The following FNBP4 variants were observed in gnomAD, a reference collection of about 807,000 sequenced individuals.
The protein encoded by FNBP4 is formin binding protein 4, also known as formin-binding protein 4.
Under a neutral mutation model 119.3 loss-of-function variants are expected in FNBP4, and 34 were observed. The observed-to-expected ratio is 0.28, with a 90% confidence interval of 0.22 to 0.38. FNBP4 has a LOEUF of 0.38. FNBP4 is among the 10% of genes least tolerant of loss of function. The pLI is 1.00. For synonymous variants in FNBP4, 462 were observed against 430.6 expected, an observed-to-expected ratio of 1.07 and a Z score of -0.90; for missense variants, 1,112 against 1,228.9, an observed-to-expected ratio of 0.90 and a Z score of 1.42.
chr11:47,737,134 T>C (rs776656907), intron 8 of FNBP4, among the ~76,000 whole-genome samples: 5 of 152,138 alleles, frequency 3.3e-5, no homozygotes, highest in Non-Finnish European at 7.4e-5. Context: ...GAGGTTGCAG[T>C]GAGCCGAGAT....
At position 47,731,198 on chromosome 11, in the gene FNBP4, A is replaced by C. The variant is rs2097566976; in HGVS notation, c.2008+176T>G. ...GGGGCACAGTTTTACACGTGATAAC[A>C]ATAGTATGCTGATTTCCAACCATAA... On this transcript the variant is annotated intron_variant, in intron 12 of 16. Transcript: ENST00000263773. The C allele has an allele frequency of 1.6e-5, 9 of 555,148 alleles. No homozygotes were observed. In the South Asian group the frequency reaches 3.0e-4, roughly 19 times the overall value. The allele number at this position is 555,148 out of a possible 1,614,324, so 34.4% of individuals were successfully genotyped here. A position where few individuals can be genotyped will look rare whatever the true frequency, so the allele number is the denominator to read the frequency against.
At chr11:47,761,661 T>A (rs2097634874) in intron 2 of FNBP4, among the ~76,000 whole-genome samples, 1 of 151,868 alleles carries the variant, frequency 6.6e-6, no homozygotes, top group South Asian at 2.1e-4. Context: ...CTCACATCTA[T>A]AATCCTAGCA....
chr11:47,733,791 A>G (rs757825237), intron 10 of FNBP4, among the ~76,000 whole-genome samples: 26 of 152,152 alleles, frequency 1.7e-4, no homozygotes, highest in Non-Finnish European at 3.1e-4. Context: ...TACCTTCAAC[A>G]TTACATGGCC....
At chr11:47,720,138 A>T in intron 15 of FNBP4, 52 bp from the exon 16 acceptor site, 3 of 1,539,774 alleles carry the variant, frequency 1.9e-6, no homozygotes, top group Non-Finnish European at 2.6e-6. Flanking sequence ...AATAAGGATA[A>T]GCGTCCTCTA....
chr11:47,748,526 T>C (rs921364693), intron 6 of FNBP4, among the ~76,000 whole-genome samples: 1 of 151,934 alleles, frequency 6.6e-6, no homozygotes, highest in Non-Finnish European at 1.5e-5. Context: ...AGGTGTGTGC[T>C]ACCTTGCCTG....
chr11:47,719,844 T>C lies in FNBP4; in HGVS notation c.2963+85A>G, dbSNP rs571856330. The C allele has an allele frequency of 1.1e-4, 152 of 1,418,202 alleles. No individual in the cohort carries two copies. In the East Asian group the frequency reaches 3.0e-3, roughly 28 times the overall value. The allele number at this position is 1,418,202 out of a possible 1,614,324, so 87.9% of individuals were successfully genotyped here. ...AAGAATATGTCTATTCTAATGCATCTATAACAACCACAACCTACTCCATCT... is the reference window on the plus strand; with the variant it reads ...AAGAATATGTCTATTCTAATGCATCCATAACAACCACAACCTACTCCATCT... On this transcript the variant is annotated intron_variant, in intron 16 of 16. Coordinates refer to ENST00000263773, the MANE Select transcript of FNBP4 (RefSeq NM_015308.5).
At chr11:47,731,200 T>C in intron 12 of FNBP4, 174 bp downstream of exon 12, 1 of 565,294 alleles carries the variant, frequency 1.8e-6, no homozygotes, top group East Asian at 3.2e-5. Context: ...GTGATAACAA[T>C]AGTATGCTGA....
rs752724144 is a variant in FNBP4 at position 47,744,157 on chromosome 11, A to C, written c.1252T>G (p.Leu418Val). ...CCATCTCCTTCCTCCAAGGCTCGCA[A>C]CTCTGCCTACAAAGAACATGACAAT... The part of the protein sequence containing the change: ...ELVLERKKAE[L>V]RALEEGDGSV... The change falls in exon 8 of 17, where the codon TTG (leucine) becomes GTG (valine). Residue 418 changes from leucine to valine, a missense_variant. Coordinates refer to ENST00000263773, the MANE Select transcript of FNBP4 (RefSeq NM_015308.5). 3.7e-6 allele frequency: 6 copies of C among 1,613,862 alleles called. No individual in the cohort carries two copies. The highest frequency in any genetic ancestry group is 5.1e-6 in the Non-Finnish European group (6 of 1,179,844).
At chr11:47,743,598 A>G (rs2097585336) in intron 8 of FNBP4, among the ~76,000 whole-genome samples, 1 of 152,200 alleles carries the variant, frequency 6.6e-6, no homozygotes, top group South Asian at 2.1e-4. Context: ...CGACCTTACC[A>G]TGAATGAATG....
chr11:47,724,459 A>G lies in FNBP4; in HGVS notation c.2319+9T>C. ...AAAATCACTCAGAATGCCAAAGGGAATTACTTACCTGGCTAGTTACAACTG... is the reference window on the plus strand; with the variant it reads ...AAAATCACTCAGAATGCCAAAGGGAGTTACTTACCTGGCTAGTTACAACTG... On this transcript the variant is annotated intron_variant, in intron 13 of 16. Transcript: ENST00000263773. The G allele has an allele frequency of 6.2e-7, 1 of 1,614,196 alleles. No individual in the cohort carries two copies. Among genetic ancestry groups the G allele is most frequent in the Non-Finnish European group, 8.5e-7 (1 of 1,180,010 alleles).
intron 8 of FNBP4, 150 bp downstream of exon 8, chr11:47,743,801 TAG>T (rs1177264476): frequency 5.2e-5 from 35 of 679,396 alleles, no homozygotes; most frequent in Non-Finnish European, 8.1e-5. Flanking sequence ...CTGGAAAAGG[TAG>T]AGAGGTGGAT....
rs374619575 is a variant in FNBP4, at chr11:47,766,003, A to G, written c.221-641T>C. Among the ~76,000 whole-genome samples, 58 of 151,978 alleles carry G rather than the reference A, an allele frequency of 3.8e-4. No individual in the cohort carries two copies. The South Asian group carries it at 0.011, about 30-fold the overall frequency. On this transcript the variant is annotated intron_variant, in intron 1 of 16. Coordinates refer to ENST00000263773, the MANE Select transcript of FNBP4 (RefSeq NM_015308.5). The stretch of plus-strand genomic sequence containing the variant: ...GCCCTGGAGTCTTTCATCTGCTTAC[A>G]AACTTCAACATCAAGGGAAGACTCT...
chr11:47,729,888 G>A (rs2097565478), intron 12 of FNBP4: 1 of 985,334 alleles, frequency 1.0e-6, no homozygotes, highest in Non-Finnish European at 1.2e-6. Flanking sequence ...CAATTCTAGG[G>A]GTTCTCAATA....
At chr11:47,742,477 C>CA (rs568784009) in intron 8 of FNBP4, among the ~76,000 whole-genome samples, 3,936 of 23,654 alleles carry the variant, frequency 0.17, 1,426 homozygotes, top group Middle Eastern at 0.38. Context: ...GACTCCGTCT[C>CA]AAAAAAAAAA....
intron 2 of FNBP4, among the ~76,000 whole-genome samples, chr11:47,761,528 G>A (rs1004817347): frequency 6.6e-6 from 1 of 151,998 alleles, no homozygotes; most frequent in Non-Finnish European, 1.5e-5. Flanking sequence ...GGCGACGGAG[G>A]TTGCAGTGAG....
rs1436527775 is a variant in FNBP4, at chr11:47,767,157, C to T, written c.132G>A (p.Ala44=). 5.8e-6 allele frequency: 9 copies of T among 1,547,678 alleles called. No homozygotes were observed. The highest frequency in any genetic ancestry group is 7.8e-6 in the Non-Finnish European group (9 of 1,151,860). The change falls in exon 1 of 17, where the codon GCG becomes GCA. Residue 44 remains alanine, a synonymous_variant. Coordinates refer to ENST00000263773, the MANE Select transcript of FNBP4 (RefSeq NM_015308.5). ...EPDTEPDSTA[A]VPSQPAPSAA... is the part of the protein sequence containing the mutation. ...CCGACGGGGCGGGCTGGCTGGGGAC[C>T]GCCGCGGTTGAGTCCGGCTCAGTGT...
Position 47,751,130 on chromosome 11 carries a change from A to C in FNBP4, c.785+13T>G, listed in dbSNP as rs762133101. On this transcript the variant is annotated intron_variant, in intron 5 of 16. Transcript: ENST00000263773. Reference sequence around the variant, plus strand: ...TTCCTTCTAGGCAATTTCACTTTTAAATTTATTCTTACCTGGGCTGGTAAT... The same window carrying C: ...TTCCTTCTAGGCAATTTCACTTTTACATTTATTCTTACCTGGGCTGGTAAT... 18 of 1,613,918 alleles carry C rather than the reference A, an allele frequency of 1.1e-5. No homozygotes were observed. Among genetic ancestry groups the C allele is most frequent in the Middle Eastern group, 3.3e-4 (2 of 6,060 alleles).
At chr11:47,734,220 AAATATGGGTCTGCCT>A in intron 9 of FNBP4, 91 bp from the exon 10 acceptor site, 1 of 656,464 alleles carries the variant, frequency 1.5e-6, no homozygotes, top group Non-Finnish European at 2.4e-6. Context: ...TAGATATTAG[AAATATGGGTCTGCCT>A]ATAAACAGCC....
intron 12 of FNBP4, chr11:47,730,071 A>T: frequency 1.0e-6 from 1 of 985,446 alleles, no homozygotes; most frequent in Non-Finnish European, 1.2e-6. Flanking sequence ...TGTTCACAGA[A>T]CATTCAGAAT....
Sources: gnomAD v4.1 joint callset for allele counts (sites outside exome capture counted in the v4.1 genomes callset) on GRCh38, gnomAD v4.1.1 for gene constraint, MANE v1.5 for transcripts, NCBI Gene and HGNC (gene_info 2026-07-23, HGNC 2026-07-21) for gene names.